The following PHYKPL variants were observed in gnomAD, a reference collection of about 807,000 sequenced individuals.
PHYKPL encodes the protein 5-phosphohydroxy-L-lysine phospho-lyase.
A neutral mutation model predicts 51.3 loss-of-function variants in PHYKPL; 42 were observed. The ratio of observed to expected loss-of-function variants is 0.82; its 90% CI spans 0.64 to 1.06. The LOEUF (loss-of-function observed/expected upper bound fraction) is 1.06, where lower values mean the gene tolerates loss of function less well. Ranked by LOEUF, PHYKPL falls within the 50% of genes least tolerant of loss-of-function variation. The probability of loss-of-function intolerance (pLI) is 0.00; values close to 1 mark genes in which losing one functional copy is unlikely to be tolerated. For synonymous variants in PHYKPL, 264 were observed against 236.0 expected (o/e 1.12, Z -1.09); for missense variants, 655 against 586.6 (o/e 1.12, Z -1.20).
intron 3 of PHYKPL, among the ~76,000 whole-genome samples, chr5:178,227,646 G>C (rs536628583): frequency 7.9e-5 from 12 of 152,212 alleles, no homozygotes; most frequent in Admixed American, 3.3e-4. Context: ...ATGTGCACAG[G>C]GCTGGGAAGG....
intron 8 of PHYKPL, chr5:178,216,150 G>A (rs547037146): frequency 2.6e-5 from 4 of 151,406 alleles, no homozygotes; most frequent in Admixed American, 1.4e-4. Context: ...CAACCGTCCC[G>A]CTACTACTGG....
intron 7 of PHYKPL, 77 bp downstream of exon 7, chr5:178,222,775 T>C: frequency 6.6e-7 from 1 of 1,520,102 alleles, no homozygotes. Context: ...CAGGCTGAGG[T>C]TGGGATTTGG....
chr5:178,210,064 T>C (rs1245676425), intron 12 of PHYKPL: 2 of 1,583,684 alleles, frequency 1.3e-6, no homozygotes, highest in African/African-American at 2.7e-5. Context: ...AAGGGCAGGA[T>C]TTCCTCCATC....
At chr5:178,228,351 G>A (rs1348073155) in intron 3 of PHYKPL, 2 of 585,256 alleles carry the variant, frequency 3.4e-6, no homozygotes, top group Non-Finnish European at 6.1e-6. Context: ...CACTTCCGGA[G>A]AGTGGTAACT....
In PHYKPL at chr5:178,222,377, G is replaced by T. The variant is rs1167538861; in HGVS notation, c.905C>A (p.Thr302Asn). ...TQPVARAFEA[T>N]GVEYFNTFGG... ...CACCGTGTTGAAGTACTCAACGCCG[G>T]TGGCTTCAAATGCCCTCGCCACAGG... The change falls in exon 8 of 13, where the codon ACC becomes AAC. Residue 302 changes from threonine (T) to asparagine (N), a missense_variant. Physicochemically the swap from Thr to Asn is moderately conservative, Grantham distance 65. Transcript: ENST00000308158. The T allele has an allele frequency of 6.2e-7, 1 of 1,613,414 alleles. No homozygotes were observed. Among genetic ancestry groups the T allele is most frequent in the Non-Finnish European group, 8.5e-7 (1 of 1,179,448 alleles).
chr5:178,231,456 A>G lies in PHYKPL; in HGVS notation c.127T>C (p.Tyr43His), dbSNP rs1366195787. The part of the protein sequence containing the change: ...KIVRAQGQYM[Y>H]DEQGAEYIDC... Reference sequence around the variant, plus strand: ...ATGTATTCTGCCCCCTGTTCATCGTACATGTACTGCCCTTGGGCCCGGACA... The same window carrying G: ...ATGTATTCTGCCCCCTGTTCATCGTGCATGTACTGCCCTTGGGCCCGGACA... Residue 43 changes from tyrosine to histidine, a missense_variant, in exon 2 of 13, where the codon TAC (tyrosine) becomes CAC (histidine). Tyr to His is a moderately conservative substitution (Grantham distance 83). Coordinates refer to ENST00000308158, the MANE Select transcript of PHYKPL (RefSeq NM_153373.4). 9.9e-6 allele frequency: 16 copies of G among 1,614,060 alleles called. No individual in the cohort carries two copies. Among genetic ancestry groups the G allele is most frequent in the Non-Finnish European group, 1.4e-5 (16 of 1,180,022 alleles).
chr5:178,228,523 G>C, intron 3 of PHYKPL: 1 of 702,382 alleles, frequency 1.4e-6, no homozygotes. Flanking sequence ...TCTTTCCAGA[G>C]GCTCCAGCTC....
chr5:178,218,216 C>CAA (rs777929826), intron 8 of PHYKPL, among the ~76,000 whole-genome samples: 7,347 of 57,776 alleles, frequency 0.13, 621 homozygotes, highest in Middle Eastern at 0.18. Context: ...AACTCCGTCT[C>CAA]AAAAAAAAAA....
chr5:178,222,872 G>A lies in PHYKPL; in HGVS notation c.681C>T (p.Gly227=). 6.2e-7 allele frequency: 1 copy of A among 1,614,168 alleles called. No homozygotes were observed. The highest frequency in any genetic ancestry group is 1.7e-5 in the Admixed American group (1 of 60,018). The change falls in exon 7 of 13, where the codon GGC becomes GGT. Residue 227 remains glycine (G), a synonymous_variant. Transcript: ENST00000308158. ...CTCACTCTGCCACTTGGGAGAAGTA[G>A]CCAGCAGGGGGAATGATCTGCCCTC... ...SVGGQIIPPA[G]YFSQVAEHIR... is the part of the protein sequence containing the mutation.
chr5:178,211,922 T>G lies in PHYKPL; in HGVS notation c.1352A>C (p.Ter451SerextTer56). 6.2e-7 allele frequency: 1 copy of G among 1,613,298 alleles called. No individual in the cohort carries two copies. The highest frequency in any genetic ancestry group is 8.5e-7 in the Non-Finnish European group (1 of 1,179,224). ...ACACTTAGGCAGAGCAGGGCTGGCT[T>G]AGGGCTGGAGCCTCAGCGTTTCACA... Reference protein sequence around the residue: ...RSCETLRLQP* With the variant: ...RSCETLRLQPS The change falls in exon 12 of 13, where the codon TAA becomes TCA. Residue 451 changes from the stop codon to serine, a stop_lost. Coordinates refer to ENST00000308158, the MANE Select transcript of PHYKPL (RefSeq NM_153373.4).
chr5:178,217,076 C>T (rs1457675467), intron 8 of PHYKPL: 1 of 152,000 alleles, frequency 6.6e-6, no homozygotes, highest in African/African-American at 2.4e-5. Context: ...CTAAAGGAAA[C>T]TATACTTAAA....
chr5:178,210,613 A>G (rs774695228), intron 12 of PHYKPL: 1 of 1,613,890 alleles, frequency 6.2e-7, no homozygotes, highest in Non-Finnish European at 8.5e-7. Context: ...AATAACTACA[A>G]GCCATACTGA....
downstream of PHYKPL, among the ~76,000 whole-genome samples, chr5:178,208,140 A>C (rs1334236781): frequency 6.6e-6 from 1 of 152,150 alleles, no homozygotes. Context: ...GGTCAGGGAA[A>C]GGGTAGTTCA....
At chr5:178,231,788 G>A in intron 1 of PHYKPL, 3 of 1,429,492 alleles carry the variant, frequency 2.1e-6, no homozygotes, top group Non-Finnish European at 9.3e-7. Context: ...GCTCATTTCT[G>A]CATGTGTCCG....
intron 8 of PHYKPL, among the ~76,000 whole-genome samples, chr5:178,219,686 G>A (rs1480244728): frequency 3.3e-5 from 5 of 151,972 alleles, no homozygotes; most frequent in African/African-American, 4.8e-5. Context: ...TCCTGACCTC[G>A]TGATCTGCCC....
At position 178,222,696 on chromosome 5, in the gene PHYKPL, G is replaced by A. The variant is rs150108455; in HGVS notation, c.702-116C>T. The A allele has an allele frequency of 3.9e-3, 5,204 of 1,338,826 alleles. 28 individuals carry two copies. Among genetic ancestry groups the A allele is most frequent in the African/African-American group, 0.011 (781 of 68,672 alleles). 82.9% of individuals were successfully genotyped at this position (1,338,826 alleles called of 1,614,324 possible). On this transcript the variant is annotated intron_variant, in intron 7 of 12. Transcript: ENST00000308158. ...TGCCAGCAGTAAGGTGGGGACCTTGGGCAATGGCTGGCCTTCTCTGGGCCA... is the reference window on the plus strand; with the variant it reads ...TGCCAGCAGTAAGGTGGGGACCTTGAGCAATGGCTGGCCTTCTCTGGGCCA...
chr5:178,225,499 A>T, intron 3 of PHYKPL, 70 bp from the exon 4 acceptor site: 1 of 1,469,130 alleles, frequency 6.8e-7, no homozygotes, highest in South Asian at 1.1e-5. Context: ...TGCTGAGGGC[A>T]GGAGGACCCT....
intron 10 of PHYKPL, among the ~76,000 whole-genome samples, chr5:178,214,298 T>C (rs58209854): frequency 0.051 from 7,691 of 152,150 alleles, 625 homozygotes; most frequent in African/African-American, 0.17. Flanking sequence ...AACCAGGGCA[T>C]TGGGACCGGT....
In PHYKPL at chr5:178,231,396, G is replaced by C; in HGVS notation, c.178+9C>G. 1.2e-6 allele frequency: 2 copies of C among 1,614,192 alleles called. No homozygotes were observed. Among genetic ancestry groups the C allele is most frequent in the Non-Finnish European group, 1.7e-6 (2 of 1,180,016 alleles). Reference sequence around the variant, plus strand: ...CTCCTGCCCTGCCAGCCTGAGGTGTGATACTGACCGTGCGCCACATTGCTG... The same window carrying C: ...CTCCTGCCCTGCCAGCCTGAGGTGTCATACTGACCGTGCGCCACATTGCTG... On this transcript the variant is annotated intron_variant, in intron 2 of 12. Coordinates refer to ENST00000308158, the MANE Select transcript of PHYKPL (RefSeq NM_153373.4).
Sources: gnomAD v4.1 joint callset for allele counts (sites outside exome capture counted in the v4.1 genomes callset) on GRCh38, gnomAD v4.1.1 for gene constraint, MANE v1.5 for transcripts, NCBI Gene and HGNC (gene_info 2026-07-23, HGNC 2026-07-21) for gene names.